Variants in PRAG1 observed in about 807,000 individuals in gnomAD.
The protein encoded by PRAG1 is PEAK1 related, kinase-activating pseudokinase 1.
PRAG1 carries 110 observed loss-of-function variants against 95.6 expected under a neutral mutation model. The ratio of observed to expected loss-of-function variants is 1.15; its 90% confidence interval spans 0.99 to 1.35. The LOEUF (loss-of-function observed/expected upper bound fraction) is 1.35. Among genes scored for constraint, PRAG1 ranks in the 40% most tolerant of loss-of-function variants. The pLI is 0.00. For synonymous variants in PRAG1, 1,052 were observed against 819.4 expected (o/e 1.28, Z -4.85); for missense variants, 2,554 against 1,864.7 (o/e 1.37, Z -6.81).
chr8:8,377,441 AGGCAGGATGGGTG>A lies in PRAG1; in HGVS notation c.955_967del (p.His319TrpfsTer47). On this transcript the variant is annotated frameshift_variant, in exon 3 of 6. Transcript: ENST00000615670. LOFTEE classifies it high-confidence loss of function. ...GGTGAGGGACAGTTTCTTGGGGCCC[AGGCAGGATGGGTG>A]GGCAGTGGGGCCCTGGCTACAGCAC... 6.4e-7 allele frequency: 1 copy of A among 1,556,092 alleles called. No individual in the cohort carries two copies.
rs538931655 is a variant in PRAG1 at position 8,351,368 on chromosome 8, C to T, written c.2163-11733G>A. 5.3e-5 allele frequency among the ~76,000 whole-genome samples: 8 copies of T among 152,258 alleles called. No homozygotes were observed. In the South Asian group the frequency reaches 1.2e-3, roughly 24 times the overall value. ...CCCACCAGACCCCATCTCCAATATT[C>T]GGGATTATAATTCAACATGAGATTT... On this transcript the variant is annotated intron_variant, in intron 3 of 5. Transcript: ENST00000615670.
chr8:8,318,661 C>T lies in PRAG1; in HGVS notation c.3714G>A (p.Arg1238=), dbSNP rs745737227. ...PNLQQKKSQA[R]LAPEIVSASQ... ...AAGCAGACACGATCTCGGGGGCCAG[C>T]CGGGCCTGGCTCTTCTTCTGCTGCA... The change falls in exon 6 of 6, where the codon CGG becomes CGA. Residue 1238 remains arginine (R), a synonymous_variant. Transcript: ENST00000615670. This position sits in a 1 kb window ranked among gnomAD's most constrained non-coding sequence, Gnocchi z 4.2. The T allele has an allele frequency of 2.2e-5, 36 of 1,611,886 alleles. No homozygotes were observed. The South Asian group carries it at 3.6e-4, about 16-fold the overall frequency.
chr8:8,381,898 A>G, intron 1 of PRAG1, 64 bp from the exon 2 acceptor site: 6 of 599,458 alleles, frequency 1.0e-5, no homozygotes, highest in Non-Finnish European at 1.7e-5. Context: ...TGCATTATCA[A>G]TTAGAGTCTC....
intron 2 of PRAG1, among the ~76,000 whole-genome samples, chr8:8,379,448 T>C (rs75743440): frequency 0.024 from 3,705 of 152,264 alleles, 67 homozygotes; most frequent in Middle Eastern, 0.041. Flanking sequence ...AGTCCCTGGC[T>C]CAGGTTGGTG....
chr8:8,359,853 T>A (rs980921766), intron 3 of PRAG1, among the ~76,000 whole-genome samples: 1 of 152,334 alleles, frequency 6.6e-6, no homozygotes, highest in East Asian at 1.9e-4. Context: ...ACCTAATTTA[T>A]CATTAAATCC....
At chr8:8,329,403 A>AATAATAATAATC (rs1798749538) in intron 4 of PRAG1, among the ~76,000 whole-genome samples, 1 of 151,820 alleles carries the variant, frequency 6.6e-6, no homozygotes, top group African/African-American at 2.4e-5. Flanking sequence ...TAATAATAAT[A>AATAATAATAATC]ATAATGGGTT....
intron 3 of PRAG1, among the ~76,000 whole-genome samples, chr8:8,350,116 GA>G (rs1420843512): frequency 3.3e-5 from 5 of 152,130 alleles, no homozygotes; most frequent in African/African-American, 1.2e-4. Flanking sequence ...TTTTTTTAAA[GA>G]TGACAATTCA....
chr8:8,333,871 T>C (rs1384832698), intron 4 of PRAG1, among the ~76,000 whole-genome samples: 2 of 152,278 alleles, frequency 1.3e-5, no homozygotes, highest in Admixed American at 6.5e-5. Flanking sequence ...ACCCATACCC[T>C]GTGCCCTGGG....
Position 8,377,459 on chromosome 8 carries a change from G to T in PRAG1, c.950C>A (p.Thr317Asn). Reference protein sequence around the residue: ...FPKECCSQGPTAHPSCLGPKK... With the variant: ...FPKECCSQGPNAHPSCLGPKK... Reference sequence around the variant, plus strand: ...GGGGCCCAGGCAGGATGGGTGGGCAGTGGGGCCCTGGCTACAGCACTCCTT... The same window carrying T: ...GGGGCCCAGGCAGGATGGGTGGGCATTGGGGCCCTGGCTACAGCACTCCTT... Residue 317 changes from threonine (T) to asparagine (N), a missense_variant, in exon 3 of 6, where the codon ACT becomes AAT. Physicochemically the swap from Thr to Asn is moderately conservative, Grantham distance 65 (BLOSUM62 0). Transcript: ENST00000615670. The T allele has an allele frequency of 1.9e-6, 3 of 1,551,506 alleles. No homozygotes were observed. The highest frequency in any genetic ancestry group is 2.6e-6 in the Non-Finnish European group (3 of 1,149,938).
chr8:8,332,626 C>G (rs532826161), intron 4 of PRAG1, among the ~76,000 whole-genome samples: 1 of 150,956 alleles, frequency 6.6e-6, no homozygotes, highest in East Asian at 2.0e-4. Context: ...AGCCCCCACC[C>G]CCACCCCACC....
At chr8:8,326,270 TTAAA>T (rs2117111104) in intron 5 of PRAG1, among the ~76,000 whole-genome samples, 1 of 149,028 alleles carries the variant, frequency 6.7e-6, no homozygotes, top group South Asian at 2.1e-4. Flanking sequence ...ATAATATTAC[TTAAA>T]TATTGTTTAA....
At chr8:8,374,514 T>C (rs1301963664) in intron 3 of PRAG1, 2 of 353,370 alleles carry the variant, frequency 5.7e-6, no homozygotes, top group African/African-American at 4.4e-5. Flanking sequence ...TTTCTATCTC[T>C]GCTTTGTCAT....
At chr8:8,324,460 A>G (rs988792882) in intron 5 of PRAG1, among the ~76,000 whole-genome samples, 1 of 152,092 alleles carries the variant, frequency 6.6e-6, no homozygotes, top group Non-Finnish European at 1.5e-5. Flanking sequence ...GCGCATGCTA[A>G]CTAGCCCTGT....
intron 3 of PRAG1, among the ~76,000 whole-genome samples, chr8:8,360,491 G>A (rs1799809959): frequency 6.6e-6 from 1 of 152,138 alleles, no homozygotes; most frequent in African/African-American, 2.4e-5. Flanking sequence ...CTGTCCTGGT[G>A]AATTCTGCCA....
intron 3 of PRAG1, among the ~76,000 whole-genome samples, chr8:8,369,393 A>G (rs917935993): frequency 1.3e-5 from 2 of 152,168 alleles, no homozygotes; most frequent in African/African-American, 4.8e-5. Flanking sequence ...TAACAGCCAA[A>G]ATGGAGGCCT....
intron 3 of PRAG1, among the ~76,000 whole-genome samples, chr8:8,349,697 G>A (rs555268434): frequency 1.3e-5 from 2 of 152,224 alleles, no homozygotes; most frequent in East Asian, 1.9e-4. Flanking sequence ...CTGGGGGCAT[G>A]TTTTCCACCC....
At chr8:8,359,242 T>G (rs1332480918) in intron 3 of PRAG1, among the ~76,000 whole-genome samples, 1 of 152,226 alleles carries the variant, frequency 6.6e-6, no homozygotes, top group Non-Finnish European at 1.5e-5. Context: ...TTAATTGCTC[T>G]GATTGAATTT....
chr8:8,376,105 C>G (rs965110157), intron 3 of PRAG1, 142 bp downstream of exon 3: 1 of 1,165,710 alleles, frequency 8.6e-7, no homozygotes, highest in Admixed American at 2.6e-5. Flanking sequence ...TGCACTGGGA[C>G]CCTGGGAAAT....
At chr8:8,347,553 A>T (rs1799385644) in intron 3 of PRAG1, among the ~76,000 whole-genome samples, 1 of 152,110 alleles carries the variant, frequency 6.6e-6, no homozygotes, top group Admixed American at 6.5e-5. Flanking sequence ...AAAATCATTA[A>T]GCAATTCGAG....
Sources: gnomAD v4.1 joint callset for allele counts (sites outside exome capture counted in the v4.1 genomes callset) on GRCh38, gnomAD v4.1.1 for gene constraint, Gnocchi (gnomAD v3.1) non-coding constraint, MANE v1.5 for transcripts, NCBI Gene and HGNC (gene_info 2026-07-23, HGNC 2026-07-21) for gene names.